Variants in GABRG3 observed in about 807,000 individuals in gnomAD.
GABRG3 encodes gamma-aminobutyric acid type A receptor subunit gamma3.
GABRG3 carries 25 observed loss-of-function variants against 48.8 expected under a neutral mutation model. The observed-to-expected ratio is 0.51, with a 90% CI of 0.37 to 0.72. The LOEUF is 0.72. GABRG3 is among the 30% of genes least tolerant of loss of function. The pLI, the probability that GABRG3 is intolerant of heterozygous loss-of-function variation, is 0.00. For synonymous variants in GABRG3, 227 were observed against 217.6 expected, an observed-to-expected ratio of 1.04 and a Z score of -0.38; for missense variants, 394 against 577.9, an observed-to-expected ratio of 0.68 and a Z score of 3.26.
At chr15:27,022,141 T>A (rs1388382880) in intron 2 of GABRG3, among the ~76,000 whole-genome samples, 1 of 152,176 alleles carries the variant, frequency 6.6e-6, no homozygotes, top group Non-Finnish European at 1.5e-5. Context: ...TCTACCCTTT[T>A]CTTCCCCCTC....
intron 3 of GABRG3, among the ~76,000 whole-genome samples, chr15:27,317,439 T>C (rs1595673021): frequency 6.6e-6 from 1 of 152,212 alleles, no homozygotes; most frequent in East Asian, 1.9e-4. Flanking sequence ...TTTCCTTTGA[T>C]GGCCACTGTT....
intron 6 of GABRG3, among the ~76,000 whole-genome samples, chr15:27,491,381 C>T (rs1279708418): frequency 1.3e-5 from 2 of 152,236 alleles, no homozygotes; most frequent in Non-Finnish European, 2.9e-5. Context: ...CTCAGACAGG[C>T]AGCCCAGTCC....
At chr15:27,080,056 A>T (rs945856811) in intron 3 of GABRG3, among the ~76,000 whole-genome samples, 1 of 152,164 alleles carries the variant, frequency 6.6e-6, no homozygotes, top group African/African-American at 2.4e-5. Context: ...AGCCAAGTCC[A>T]TTTGGAAGAG....
intron 3 of GABRG3, among the ~76,000 whole-genome samples, chr15:27,062,027 T>G (rs188972399): frequency 6.6e-6 from 1 of 152,276 alleles, no homozygotes; most frequent in African/African-American, 2.4e-5. Context: ...CCTTCTGGAG[T>G]GCTACAGAAT....
intron 3 of GABRG3, among the ~76,000 whole-genome samples, chr15:27,253,067 C>T (rs1890510294): frequency 6.6e-6 from 1 of 152,222 alleles, no homozygotes; most frequent in Admixed American, 6.5e-5. Context: ...CGAATCGATG[C>T]TGCCTATGGC....
chr15:27,525,870 G>C (rs1442265924), intron 7 of GABRG3, among the ~76,000 whole-genome samples: 1 of 152,060 alleles, frequency 6.6e-6, no homozygotes, highest in African/African-American at 2.4e-5. Flanking sequence ...CCTAGGTGAT[G>C]GGTTGATAGG....
At chr15:27,338,627 C>T (rs1443833530) in intron 5 of GABRG3, among the ~76,000 whole-genome samples, 4 of 152,106 alleles carry the variant, frequency 2.6e-5, no homozygotes, top group Non-Finnish European at 5.9e-5. Context: ...GTGCTCAGTG[C>T]CCCCAGGGAG....
chr15:27,435,461 A>T (rs1003024369), intron 5 of GABRG3, among the ~76,000 whole-genome samples: 8 of 152,070 alleles, frequency 5.3e-5, no homozygotes, highest in Non-Finnish European at 1.0e-4. Flanking sequence ...ATGAGTGGAG[A>T]CCAGATTTTG....
chr15:27,497,362 C>A (rs940603363), intron 6 of GABRG3, among the ~76,000 whole-genome samples: 1 of 152,092 alleles, frequency 6.6e-6, no homozygotes, highest in Non-Finnish European at 1.5e-5. Context: ...GAATTTGTTT[C>A]CTTTTGAGAA....
chr15:27,262,753 G>A (rs924039963), intron 3 of GABRG3, among the ~76,000 whole-genome samples: 1 of 152,170 alleles, frequency 6.6e-6, no homozygotes. Flanking sequence ...TGGAGTCCAC[G>A]TAATTATATG....
chr15:27,277,921 G>A (rs1891308502), intron 3 of GABRG3, among the ~76,000 whole-genome samples: 5 of 152,052 alleles, frequency 3.3e-5, no homozygotes, highest in Admixed American at 3.3e-4. Context: ...TTCCCTCAGG[G>A]ACCACATCTA....
Position 27,099,803 on chromosome 15 carries a change from C to A in GABRG3, c.270+72982C>A, listed in dbSNP as rs1464641173. Among the ~76,000 whole-genome samples, 7 of 152,092 alleles carry A rather than the reference C, an allele frequency of 4.6e-5. No homozygotes were observed. The East Asian group carries it at 5.8e-4, about 13-fold the overall frequency. ...ACAAAGGGGAGGAAAACACAAAAAA[C>A]CACCAATCATCAATATTAGCAATGA... On this transcript the variant is annotated intron_variant, in intron 3 of 9. Coordinates refer to ENST00000615808, the MANE Select transcript of GABRG3 (RefSeq NM_033223.5).
chr15:27,336,601 C>T (rs1428131682), intron 5 of GABRG3, among the ~76,000 whole-genome samples: 1 of 152,178 alleles, frequency 6.6e-6, no homozygotes, highest in African/African-American at 2.4e-5. Context: ...GAAAATAGTA[C>T]AGAAGTGTCT....
chr15:27,404,397 T>G (rs1887571411), intron 5 of GABRG3, among the ~76,000 whole-genome samples: 1 of 152,188 alleles, frequency 6.6e-6, no homozygotes, highest in African/African-American at 2.4e-5. Context: ...GCTGTCTCAC[T>G]GGGCTCCCTG....
At position 26,979,349 on chromosome 15, in the gene GABRG3, T is replaced by C. The variant is rs907871940; in HGVS notation, c.202+2199T>C. On this transcript the variant is annotated intron_variant, in intron 2 of 9. Transcript: ENST00000615808. ...TATCTTTTATTTATTTTTTCTTGCC[T>C]GTTGCACTGGCTAGAACTCCCAGCA... is the stretch of plus-strand genomic sequence containing the variant. Among the ~76,000 whole-genome samples, 29 of 152,300 alleles carry C rather than the reference T, an allele frequency of 1.9e-4. No individual in the cohort carries two copies. In the East Asian group the frequency reaches 3.9e-3, roughly 20 times the overall value.
chr15:27,271,115 A>G (rs74386202), intron 3 of GABRG3, among the ~76,000 whole-genome samples: 165 of 152,294 alleles, frequency 1.1e-3, no homozygotes, highest in African/African-American at 3.9e-3. Context: ...CGCTAACCCT[A>G]CAGGAGTTTA....
At chr15:27,517,742 A>G (rs77857283) in intron 6 of GABRG3, among the ~76,000 whole-genome samples, 1 of 152,310 alleles carries the variant, frequency 6.6e-6, no homozygotes, top group African/African-American at 2.4e-5. Context: ...AAATTAATAG[A>G]CATTAAGAAT....
At chr15:27,132,773 A>AT (rs540254264) in intron 3 of GABRG3, among the ~76,000 whole-genome samples, 120 of 147,252 alleles carry the variant, frequency 8.1e-4, no homozygotes, top group African/African-American at 2.8e-3. Context: ...TATTTTGTTG[A>AT]TTTTTTTTCC....
At chr15:27,028,303 G>A (rs988580140) in intron 3 of GABRG3, among the ~76,000 whole-genome samples, 1 of 152,130 alleles carries the variant, frequency 6.6e-6, no homozygotes, top group African/African-American at 2.4e-5. Context: ...TAACACAGGA[G>A]GACAGAGTGC....
Sources: gnomAD v4.1 joint callset for allele counts (sites outside exome capture counted in the v4.1 genomes callset) on GRCh38, gnomAD v4.1.1 for gene constraint, MANE v1.5 for transcripts, NCBI Gene and HGNC (gene_info 2026-07-23, HGNC 2026-07-21) for gene names.